Variants in CNTNAP2 observed in about 807,000 individuals in gnomAD.
CNTNAP2 encodes contactin associated protein 2, also known as contactin-associated protein-like 2.
In CNTNAP2, 98 loss-of-function variants were observed where a neutral mutation model predicts 155.2. The ratio of observed to expected loss-of-function variants is 0.63; its 90% CI spans 0.54 to 0.75. The LOEUF (loss-of-function observed/expected upper bound fraction) is 0.75, where lower values mean the gene tolerates loss of function less well. CNTNAP2 is among the 30% of genes least tolerant of loss of function. The pLI is 0.00. For synonymous variants in CNTNAP2, 651 were observed against 631.2 expected (o/e 1.03, Z -0.47); for missense variants, 1,727 against 1,688.1 (o/e 1.02, Z -0.40).
At chr7:146,316,191 C>CT (rs76424177) in intron 1 of CNTNAP2, among the ~76,000 whole-genome samples, 13 of 151,258 alleles carry the variant, frequency 8.6e-5, no homozygotes, top group East Asian at 1.9e-4. Context: ...TTGAAAGCAG[C>CT]TTTTTTTTTG....
chr7:146,854,491 G>C (rs1794938204), intron 3 of CNTNAP2, among the ~76,000 whole-genome samples: 1 of 152,124 alleles, frequency 6.6e-6, no homozygotes, highest in African/African-American at 2.4e-5. Flanking sequence ...TATTGGAATA[G>C]CTCTCTAGTA....
intron 13 of CNTNAP2, among the ~76,000 whole-genome samples, chr7:147,707,641 G>A (rs1194988046): frequency 5.9e-5 from 9 of 152,234 alleles, no homozygotes; most frequent in Admixed American, 5.9e-4. Flanking sequence ...TTGCCCAGGT[G>A]CTGGTAGTGG....
intron 1 of CNTNAP2, among the ~76,000 whole-genome samples, chr7:146,264,963 A>T (rs1799971679): frequency 2.0e-5 from 3 of 152,230 alleles, no homozygotes; most frequent in South Asian, 4.1e-4. Flanking sequence ...AACCACATTC[A>T]TTATAGAGAC....
In CNTNAP2 at chr7:146,773,521, G is replaced by A. The variant is rs572380600; in HGVS notation, c.98-750G>A. ...AGCAATTCTCCTGCCTCAGCCTCCCGAATACCTGGGATCACAGGCATGCAC... is the reference window on the plus strand; with the variant it reads ...AGCAATTCTCCTGCCTCAGCCTCCCAAATACCTGGGATCACAGGCATGCAC... On this transcript the variant is annotated intron_variant, in intron 1 of 23. Coordinates refer to ENST00000361727, the MANE Select transcript of CNTNAP2 (RefSeq NM_014141.6). Among the ~76,000 whole-genome samples the A allele has an allele frequency of 3.3e-5, 5 of 152,188 alleles. No homozygotes were observed. The South Asian group carries it at 1.0e-3, about 32-fold the overall frequency.
intron 3 of CNTNAP2, among the ~76,000 whole-genome samples, chr7:146,889,282 T>C (rs1036358229): frequency 2.0e-5 from 3 of 152,204 alleles, no homozygotes; most frequent in Non-Finnish European, 2.9e-5. Context: ...CCTAGGGTCA[T>C]TGAATCTAAA....
intron 8 of CNTNAP2, among the ~76,000 whole-genome samples, chr7:147,298,473 A>C (rs1170145908): frequency 6.6e-6 from 1 of 152,050 alleles, no homozygotes; most frequent in Non-Finnish European, 1.5e-5. Flanking sequence ...AAATTTGAAA[A>C]TCCTAAAAAA....
rs529960569 is a variant in CNTNAP2, at chr7:147,719,877, C to CATGT, written c.2098+80572_2098+80575dup. ...CTTCAACAGACAAGGTTTTATTTTC[C>CATGT]ATGTCCTTTACCACTACTGTGATTG... On this transcript the variant is annotated intron_variant, in intron 13 of 23. Coordinates refer to ENST00000361727, the MANE Select transcript of CNTNAP2 (RefSeq NM_014141.6). Among the ~76,000 whole-genome samples the CATGT allele has an allele frequency of 8.5e-5, 13 of 152,106 alleles. No homozygotes were observed. In the South Asian group the frequency reaches 2.1e-3, roughly 24 times the overall value.
At chr7:146,130,326 G>T (rs1185816913) in intron 1 of CNTNAP2, among the ~76,000 whole-genome samples, 1 of 152,110 alleles carries the variant, frequency 6.6e-6, no homozygotes, top group African/African-American at 2.4e-5. Flanking sequence ...CTAGCCAAGT[G>T]TGGTGGTGTG....
intron 1 of CNTNAP2, among the ~76,000 whole-genome samples, chr7:146,295,718 C>T (rs973054585): frequency 8.6e-5 from 13 of 151,444 alleles, no homozygotes; most frequent in Non-Finnish European, 1.5e-4. Context: ...CTCAATTGTT[C>T]CCATTCTAGA....
intron 14 of CNTNAP2, among the ~76,000 whole-genome samples, chr7:147,967,835 C>T (rs144845996): frequency 7.8e-4 from 119 of 152,040 alleles, no homozygotes; most frequent in African/African-American, 1.1e-3. Flanking sequence ...CCTTTCACCA[C>T]GTTAATGAGA....
chr7:147,971,482 C>T (rs201697667), intron 14 of CNTNAP2, among the ~76,000 whole-genome samples: 1 of 151,914 alleles, frequency 6.6e-6, no homozygotes, highest in East Asian at 1.9e-4. Flanking sequence ...ACTCCCAGCC[C>T]GACAACCACT....
chr7:147,962,666 AG>A (rs1458331091), intron 14 of CNTNAP2, among the ~76,000 whole-genome samples: 1 of 152,248 alleles, frequency 6.6e-6, no homozygotes. Context: ...TAAACACCTA[AG>A]TGAATATTGA....
rs1001399264 is a variant in CNTNAP2, at chr7:147,196,323, T to C, written c.1348+63814T>C. Among the ~76,000 whole-genome samples, 3 of 152,352 alleles carry C rather than the reference T, an allele frequency of 2.0e-5. No homozygotes were observed. The Middle Eastern group carries it at 0.01, about 518-fold the overall frequency. On this transcript the variant is annotated intron_variant, in intron 8 of 23. Coordinates refer to ENST00000361727, the MANE Select transcript of CNTNAP2 (RefSeq NM_014141.6). ...TTAGATCAGAATGACAACTATATGC[T>C]GGACAGATTCTTCTGTAGATAACAT...
chr7:148,180,258 G>A (rs1000481226), intron 18 of CNTNAP2, among the ~76,000 whole-genome samples: 2 of 152,122 alleles, frequency 1.3e-5, no homozygotes, highest in African/African-American at 4.8e-5. Flanking sequence ...TGGAACAGGA[G>A]GTTTGACAGA....
chr7:148,333,927 T>A (rs1409188042), intron 21 of CNTNAP2, among the ~76,000 whole-genome samples: 1 of 152,206 alleles, frequency 6.6e-6, no homozygotes, highest in East Asian at 1.9e-4. Context: ...TGTCACTGAT[T>A]AGTGGCTAAG....
At chr7:147,572,229 A>G (rs950034452) in intron 12 of CNTNAP2, among the ~76,000 whole-genome samples, 1 of 152,016 alleles carries the variant, frequency 6.6e-6, no homozygotes, top group Admixed American at 6.6e-5. Flanking sequence ...TTGCAATCTC[A>G]TCTTCATTGT....
chr7:146,692,412 A>G (rs77358816), intron 1 of CNTNAP2, among the ~76,000 whole-genome samples: 4,704 of 152,284 alleles, frequency 0.031, 253 homozygotes, highest in African/African-American at 0.11. Flanking sequence ...GAAACTGCAT[A>G]AGCATCTAAT....
At chr7:146,342,104 T>G (rs1281580264) in intron 1 of CNTNAP2, among the ~76,000 whole-genome samples, 2 of 152,156 alleles carry the variant, frequency 1.3e-5, no homozygotes, top group African/African-American at 2.4e-5. Context: ...TGAGTCAGAT[T>G]ATGCTTGCCA....
intron 12 of CNTNAP2, among the ~76,000 whole-genome samples, chr7:147,598,045 T>C (rs1371355326): frequency 2.0e-5 from 3 of 152,150 alleles, no homozygotes; most frequent in Non-Finnish European, 2.9e-5. Context: ...AGATCATTAA[T>C]GGTTTCAGCA....
Sources: gnomAD v4.1 joint callset for allele counts (sites outside exome capture counted in the v4.1 genomes callset) on GRCh38, gnomAD v4.1.1 for gene constraint, MANE v1.5 for transcripts, NCBI Gene and HGNC (gene_info 2026-07-23, HGNC 2026-07-21) for gene names.